Variants in SLC24A2 observed in about 807,000 individuals in gnomAD.
The protein encoded by SLC24A2 is sodium/potassium/calcium exchanger 2.
In SLC24A2, 36 loss-of-function variants were observed where a neutral mutation model predicts 62.0. The ratio of observed to expected loss-of-function variants is 0.58; its 90% CI spans 0.44 to 0.77. SLC24A2 has a LOEUF of 0.77. Ranked by LOEUF, SLC24A2 falls within the 30% of genes least tolerant of loss-of-function variation. SLC24A2 has a pLI of 0.00. For synonymous variants in SLC24A2, 358 were observed against 294.0 expected (o/e 1.22, Z -2.23); for missense variants, 846 against 817.9 (o/e 1.03, Z -0.42).
chr9:19,948,672 C>T, the SLC24A2 span, among the ~76,000 whole-genome samples: 15 of 151,326 alleles, frequency 9.9e-5, no homozygotes, highest in Non-Finnish European at 1.9e-4. Flanking sequence ...GGTGAAACCC[C>T]GTCTCTACTA....
At chr9:20,243,473 A>G in the SLC24A2 span, among the ~76,000 whole-genome samples, 1 of 152,260 alleles carries the variant, frequency 6.6e-6, no homozygotes, top group Admixed American at 6.5e-5. Flanking sequence ...ATACATGAGT[A>G]GTAAAAATAT....
At chr9:19,813,122 C>T in the SLC24A2 span, among the ~76,000 whole-genome samples, 2 of 152,006 alleles carry the variant, frequency 1.3e-5, no homozygotes, top group African/African-American at 4.8e-5. Context: ...AGTTTTTGGC[C>T]CAGGATATTT....
At position 19,786,239 on chromosome 9, in the gene SLC24A2, C is replaced by A; in HGVS notation, c.628G>T (p.Gly210Cys). The change falls in exon 2 of 11, where the codon GGT becomes TGT. Residue 210 changes from glycine (G) to cysteine (C), a missense_variant. Transcript: ENST00000341998. The surrounding 1 kb of genome is among the most constrained non-coding windows in gnomAD (Gnocchi z 5.0). ...HSNVGIGTIV[G>C]SAVFNILFVI... ...AAGAGGATGTTGAATACTGCTGAAC[C>A]TACAATTGTGCCTATGCCAACGTTG... 6.2e-7 allele frequency: 1 copy of A among 1,614,122 alleles called. No individual in the cohort carries two copies. The highest frequency in any genetic ancestry group is 8.5e-7 in the Non-Finnish European group (1 of 1,180,028).
At chr9:19,897,116 C>G in the SLC24A2 span, among the ~76,000 whole-genome samples, 1 of 152,144 alleles carries the variant, frequency 6.6e-6, no homozygotes. Context: ...AGAGTCCAGT[C>G]GTCATTGGGA....
the SLC24A2 span, among the ~76,000 whole-genome samples, chr9:20,237,466 C>G: frequency 6.6e-6 from 1 of 152,132 alleles, no homozygotes; most frequent in Non-Finnish European, 1.5e-5. Flanking sequence ...CAAAGTAAAC[C>G]ACCTCTCTCA....
chr9:20,258,153 G>T, the SLC24A2 span, among the ~76,000 whole-genome samples: 4 of 152,216 alleles, frequency 2.6e-5, no homozygotes, highest in Non-Finnish European at 5.9e-5. Context: ...ACGGTGATAT[G>T]TTACATCACA....
the SLC24A2 span, among the ~76,000 whole-genome samples, chr9:20,172,675 A>C: frequency 2.0e-5 from 3 of 152,058 alleles, no homozygotes; most frequent in Admixed American, 2.0e-4. Context: ...TGAACAGCCC[A>C]ATAACAAGCA....
At chr9:19,932,548 A>T in the SLC24A2 span, among the ~76,000 whole-genome samples, 1 of 152,206 alleles carries the variant, frequency 6.6e-6, no homozygotes, top group Non-Finnish European at 1.5e-5. Flanking sequence ...AATGTATGCT[A>T]TGATTATTTC....
the SLC24A2 span, among the ~76,000 whole-genome samples, chr9:19,981,783 G>A: frequency 1.3e-5 from 2 of 152,140 alleles, no homozygotes; most frequent in African/African-American, 2.4e-5. Flanking sequence ...TTACAAGGCA[G>A]TATGGCAATC....
the SLC24A2 span, among the ~76,000 whole-genome samples, chr9:20,227,961 C>T: frequency 6.6e-6 from 1 of 152,266 alleles, no homozygotes; most frequent in Non-Finnish European, 1.5e-5. Flanking sequence ...GAGGCCAAGT[C>T]TGGACTCTCT....
the SLC24A2 span, among the ~76,000 whole-genome samples, chr9:20,055,575 G>A: frequency 6.6e-6 from 1 of 152,008 alleles, no homozygotes; most frequent in African/African-American, 2.4e-5. Context: ...CTTTTAAGGG[G>A]TAGAATCAGG....
At chr9:19,932,376 T>G in the SLC24A2 span, among the ~76,000 whole-genome samples, 1 of 152,218 alleles carries the variant, frequency 6.6e-6, no homozygotes, top group Non-Finnish European at 1.5e-5. Context: ...TACGTGGAGC[T>G]TCTTCAATAT....
the SLC24A2 span, among the ~76,000 whole-genome samples, chr9:19,972,586 T>C: frequency 2.0e-5 from 3 of 152,152 alleles, no homozygotes; most frequent in Admixed American, 6.6e-5. Flanking sequence ...CACAGCGAGA[T>C]GATACAGAAA....
At chr9:20,206,528 C>A in the SLC24A2 span, among the ~76,000 whole-genome samples, 65 of 152,248 alleles carry the variant, frequency 4.3e-4, no homozygotes, top group African/African-American at 1.5e-3. Flanking sequence ...CTCGCTCTGT[C>A]GCCCAGGCTG....
At chr9:19,659,591 T>C (rs138109242) in intron 2 of SLC24A2, among the ~76,000 whole-genome samples, 1 of 152,152 alleles carries the variant, frequency 6.6e-6, no homozygotes, top group Admixed American at 6.5e-5. Context: ...ATAATACTAA[T>C]AACAATCATG....
At chr9:19,523,317 AACTTCC>A (rs1833285080) in intron 9 of SLC24A2, among the ~76,000 whole-genome samples, 3 of 152,202 alleles carry the variant, frequency 2.0e-5, no homozygotes, top group Non-Finnish European at 4.4e-5. Flanking sequence ...CAAGTTAGAC[AACTTCC>A]CTGAGTCTCA....
intron 2 of SLC24A2, among the ~76,000 whole-genome samples, chr9:19,699,343 C>G (rs377275124): frequency 2.0e-5 from 3 of 152,066 alleles, no homozygotes; most frequent in African/African-American, 7.2e-5. Flanking sequence ...TAAAAACACT[C>G]AAAATGGAGA....
At chr9:20,296,693 G>A in the SLC24A2 span, among the ~76,000 whole-genome samples, 11 of 152,174 alleles carry the variant, frequency 7.2e-5, no homozygotes, top group South Asian at 2.1e-4. Context: ...GTTTGCTCTC[G>A]TCAAAAGATT....
the SLC24A2 span, among the ~76,000 whole-genome samples, chr9:20,140,913 C>G: frequency 6.6e-6 from 1 of 152,170 alleles, no homozygotes; most frequent in Admixed American, 6.6e-5. Context: ...CGCTCACCTG[C>G]TTTCCCTCAC....
Sources: allele counts gnomAD v4.1 joint callset (sites outside exome capture counted in the v4.1 genomes callset), GRCh38; gene constraint gnomAD v4.1.1; non-coding constraint Gnocchi (gnomAD v3.1); transcripts MANE v1.5; gene names NCBI Gene and HGNC (gene_info 2026-07-23, HGNC 2026-07-21).